TRAPPC9: variants seen among roughly 807,000 people sequenced by gnomAD.
The protein encoded by TRAPPC9 is trafficking protein particle complex subunit 9, also known as IKK2 binding protein.
A neutral mutation model predicts 124.0 loss-of-function variants in TRAPPC9; 83 were observed. The observed-to-expected ratio is 0.67, with a 90% CI of 0.56 to 0.80. The LOEUF (loss-of-function observed/expected upper bound fraction) is 0.80, where lower values mean the gene tolerates loss of function less well. TRAPPC9 is among the 30% of genes least tolerant of loss of function. TRAPPC9 has a pLI of 0.00. For missense variants in TRAPPC9, 1,302 were observed against 1,508.3 expected (o/e 0.86, Z 2.27); for synonymous variants, 638 against 617.5 (o/e 1.03, Z -0.49).
At chr8:139,955,173 A>G (rs1587332638) in intron 19 of TRAPPC9, among the ~76,000 whole-genome samples, 1 of 152,260 alleles carries the variant, frequency 6.6e-6, no homozygotes, top group Non-Finnish European at 1.5e-5. Context: ...CAGCTGCACC[A>G]GCCATCGGCA....
intron 21 of TRAPPC9, among the ~76,000 whole-genome samples, chr8:139,861,905 G>A (rs947731066): frequency 9.2e-6 from 1 of 108,482 alleles, no homozygotes; most frequent in Non-Finnish European, 1.8e-5. Context: ...GGGTGAAATG[G>A]TCACCTCCCT....
chr8:139,851,396 C>G (rs754726819), intron 21 of TRAPPC9, among the ~76,000 whole-genome samples: 45 of 152,318 alleles, frequency 3.0e-4, no homozygotes, highest in East Asian at 9.6e-4. Context: ...ACAGATGTCA[C>G]CAACTGCTCC....
intron 15 of TRAPPC9, among the ~76,000 whole-genome samples, chr8:140,259,990 A>T (rs1034324975): frequency 6.6e-6 from 1 of 152,244 alleles, no homozygotes; most frequent in Non-Finnish European, 1.5e-5. Flanking sequence ...TCGAAAAAGA[A>T]AACGAAGACC....
At chr8:139,770,065 A>T (rs1286083037) in intron 21 of TRAPPC9, among the ~76,000 whole-genome samples, 1 of 152,170 alleles carries the variant, frequency 6.6e-6, no homozygotes, top group Non-Finnish European at 1.5e-5. Context: ...GGCCTGGAAG[A>T]CCCTGGCCAC....
chr8:139,765,431 T>C (rs781127319), intron 21 of TRAPPC9, among the ~76,000 whole-genome samples: 2 of 152,166 alleles, frequency 1.3e-5, no homozygotes, highest in African/African-American at 2.4e-5. Flanking sequence ...CATCCAATCA[T>C]CAAAATGCTC....
chr8:140,083,644 GT>G lies in TRAPPC9; in HGVS notation c.2557-59566del, dbSNP rs574031201. On this transcript the variant is annotated intron_variant, in intron 17 of 22. Transcript: ENST00000438773. Reference sequence around the variant, plus strand: ...AAGAATACCCACAGAAGGGTTTGGTGTTTTTTTGTTATTTTGTTTTTGTTTT... The same window carrying G: ...AAGAATACCCACAGAAGGGTTTGGTGTTTTTTGTTATTTTGTTTTTGTTTT... 3.4e-3 allele frequency among the ~76,000 whole-genome samples: 485 copies of G among 142,112 alleles called. 3 individuals are homozygous for G. Among genetic ancestry groups the G allele is most frequent in the African/African-American group, 0.012 (466 of 37,714 alleles). The allele number at this position is 142,112 out of a possible 152,430, so 93.2% of individuals were successfully genotyped here. A position where few individuals can be genotyped will look rare whatever the true frequency, so the allele number is the denominator to read the frequency against.
rs1247214249 is a variant in TRAPPC9 at position 140,371,005 on chromosome 8, G to C, written c.1310C>G (p.Pro437Arg). The change falls in exon 8 of 23, where the codon CCC (proline) becomes CGC (arginine). Residue 437 changes from proline to arginine, a missense_variant. Pro to Arg is a moderately radical substitution (Grantham distance 103). This residue lies in a region of TRAPPC9 where 657 missense variants were observed against 811.2 expected (regional missense o/e 0.81). Transcript: ENST00000438773. ...GGGATCCAGCGACAGACTGTAGCCG[G>C]GCAGCGTTTCCAGGAGGAGTTTGTA... ...ACYKLLLETL[P>R]GYSLSLDPKD... The C allele has an allele frequency of 6.2e-7, 1 of 1,614,234 alleles. No individual in the cohort carries two copies. Among genetic ancestry groups the C allele is most frequent in the Non-Finnish European group, 8.5e-7 (1 of 1,180,050 alleles).
intron 9 of TRAPPC9, among the ~76,000 whole-genome samples, chr8:140,359,072 G>A (rs2067847666): frequency 6.6e-6 from 1 of 152,144 alleles, no homozygotes; most frequent in African/African-American, 2.4e-5. Context: ...GAGGAGAATG[G>A]CCCGGCCCCC....
chr8:140,081,967 G>T (rs77686255), intron 17 of TRAPPC9: 1 of 152,188 alleles, frequency 6.6e-6, no homozygotes, highest in Non-Finnish European at 1.5e-5. Context: ...TCTCCCAGGG[G>T]ACCACGCACA....
At chr8:140,356,870 A>G (rs758745148) in intron 9 of TRAPPC9, among the ~76,000 whole-genome samples, 2 of 152,114 alleles carry the variant, frequency 1.3e-5, no homozygotes, top group African/African-American at 2.4e-5. Flanking sequence ...TCACCCTCCC[A>G]AAGTGCTGGG....
chr8:139,926,961 CAAT>C (rs1445209498), intron 19 of TRAPPC9, among the ~76,000 whole-genome samples: 1 of 151,996 alleles, frequency 6.6e-6, no homozygotes, highest in Non-Finnish European at 1.5e-5. Context: ...TCTCAAAACC[CAAT>C]AATATGAACT....
At chr8:139,768,026 A>G (rs1055505612) in intron 21 of TRAPPC9, among the ~76,000 whole-genome samples, 1 of 152,232 alleles carries the variant, frequency 6.6e-6, no homozygotes, top group African/African-American at 2.4e-5. Context: ...ATACAACATT[A>G]TTAATATGGC....
chr8:140,226,909 G>C (rs1343122703), intron 16 of TRAPPC9, among the ~76,000 whole-genome samples: 1 of 150,896 alleles, frequency 6.6e-6, no homozygotes, highest in African/African-American at 2.4e-5. Flanking sequence ...TTTGGACACA[G>C]ACCTCAAAAT....
At chr8:139,824,908 C>T (rs924800441) in intron 21 of TRAPPC9, among the ~76,000 whole-genome samples, 1 of 152,144 alleles carries the variant, frequency 6.6e-6, no homozygotes, top group Non-Finnish European at 1.5e-5. Context: ...AGGCTGGGCC[C>T]GGTTGGGTGT....
At chr8:139,783,494 A>T (rs921982847) in intron 21 of TRAPPC9, among the ~76,000 whole-genome samples, 1 of 152,250 alleles carries the variant, frequency 6.6e-6, no homozygotes, top group African/African-American at 2.4e-5. Flanking sequence ...AGCTAATCAG[A>T]ATATTCTTTA....
chr8:139,753,226 A>G (rs1486078615), intron 21 of TRAPPC9, among the ~76,000 whole-genome samples: 1 of 146,386 alleles, frequency 6.8e-6, no homozygotes, highest in East Asian at 2.1e-4. Context: ...CCATCCATCC[A>G]ACATCTACCC....
At chr8:140,457,017 T>C (rs1216162321) in intron 1 of TRAPPC9, among the ~76,000 whole-genome samples, 1 of 152,030 alleles carries the variant, frequency 6.6e-6, no homozygotes, top group Admixed American at 6.5e-5. Context: ...TAAGTTGGAG[T>C]TGACAGCGCG....
chr8:140,027,566 T>G (rs955812911), intron 17 of TRAPPC9, among the ~76,000 whole-genome samples: 1 of 152,216 alleles, frequency 6.6e-6, no homozygotes, highest in African/African-American at 2.4e-5. Flanking sequence ...AATTTACTAT[T>G]ACTTTACTCT....
rs1159445687 is a variant in TRAPPC9, at chr8:140,257,293, A to C, written c.2279-4364T>G. Among the ~76,000 whole-genome samples the C allele has an allele frequency of 6.6e-6, 1 of 152,248 alleles. No individual in the cohort carries two copies. The highest frequency in any genetic ancestry group is 1.5e-5 in the Non-Finnish European group (1 of 68,042). The stretch of plus-strand genomic sequence containing the variant: ...CCCTCACACCCATTCACCGTGCCTC[A>C]GTCCTCTGGCAGCTCAGAACGCAGT... On this transcript the variant is annotated intron_variant, in intron 15 of 22. Transcript: ENST00000438773. This position sits in a 1 kb window ranked among gnomAD's most constrained non-coding sequence, Gnocchi z 4.6.
Sources: gnomAD v4.1 joint callset for allele counts (sites outside exome capture counted in the v4.1 genomes callset) on GRCh38, gnomAD v4.1.1 for gene constraint, gnomAD v4.1.1 regional missense constraint, Gnocchi (gnomAD v3.1) non-coding constraint, MANE v1.5 for transcripts, NCBI Gene and HGNC (gene_info 2026-07-23, HGNC 2026-07-21) for gene names.